The following SYN3 variants were observed in gnomAD, a reference collection of about 807,000 sequenced individuals.
The protein encoded by SYN3 is synapsin III.
In SYN3, 35 loss-of-function variants were observed where a neutral mutation model predicts 65.8. The ratio of observed to expected loss-of-function variants is 0.53; its 90% CI spans 0.41 to 0.70. The LOEUF (loss-of-function observed/expected upper bound fraction) is 0.70. SYN3 is among the 30% of genes least tolerant of loss of function. The pLI, the probability that SYN3 is intolerant of heterozygous loss-of-function variation, is 0.00. For missense variants in SYN3, 680 were observed against 749.0 expected (o/e 0.91, Z 1.08); for synonymous variants, 270 against 292.9 (o/e 0.92, Z 0.80).
At chr22:32,559,604 G>A (rs559767595) in intron 7 of SYN3, among the ~76,000 whole-genome samples, 6 of 152,242 alleles carry the variant, frequency 3.9e-5, no homozygotes, top group Admixed American at 6.5e-5. Context: ...CGAGATGGGC[G>A]GATCACGAGG....
rs925382056 is a variant in SYN3 at position 32,516,976 on chromosome 22, G to C, written c.1610+1067C>G. Among the ~76,000 whole-genome samples the C allele has an allele frequency of 9.8e-5, 15 of 152,340 alleles. No homozygotes were observed. The South Asian group carries it at 1.9e-3, about 19-fold the overall frequency. The stretch of plus-strand genomic sequence containing the variant: ...GATCAACATTTGGCCTTGAAAGAAG[G>C]TAGAGCTTTCCAAAGATCAGTTACT... On this transcript the variant is annotated intron_variant, in intron 13 of 13. Coordinates refer to ENST00000358763, the MANE Select transcript of SYN3 (RefSeq NM_003490.4).
At chr22:32,962,780 A>G (rs897540706) in intron 3 of SYN3, among the ~76,000 whole-genome samples, 1 of 152,038 alleles carries the variant, frequency 6.6e-6, no homozygotes, top group Non-Finnish European at 1.5e-5. Context: ...TATAGATAGT[A>G]AAGTCTTGGC....
chr22:32,779,631 A>T (rs544347768), intron 6 of SYN3, among the ~76,000 whole-genome samples: 1 of 152,180 alleles, frequency 6.6e-6, no homozygotes, highest in Admixed American at 6.5e-5. Flanking sequence ...CTTGGCTCTG[A>T]GCAGTGTAAT....
intron 2 of SYN3, among the ~76,000 whole-genome samples, chr22:32,984,596 G>T (rs564260541): frequency 1.5e-3 from 232 of 152,222 alleles, no homozygotes; most frequent in Non-Finnish European, 1.1e-3. Context: ...CCCAGGGCAT[G>T]GCCTAAGAGT....
At chr22:32,675,719 T>C (rs1312482313) in intron 6 of SYN3, among the ~76,000 whole-genome samples, 1 of 151,474 alleles carries the variant, frequency 6.6e-6, no homozygotes, top group African/African-American at 2.4e-5. Context: ...CTAAGCTGCA[T>C]GAAGGCTGAC....
At chr22:33,046,750 G>A (rs1233069464) in intron 1 of SYN3, among the ~76,000 whole-genome samples, 1 of 150,694 alleles carries the variant, frequency 6.6e-6, no homozygotes, top group Non-Finnish European at 1.5e-5. Context: ...AGCTGAGGCA[G>A]GAGACTAGCT....
intron 4 of SYN3, among the ~76,000 whole-genome samples, chr22:32,918,224 C>T (rs2050238424): frequency 6.6e-6 from 1 of 152,286 alleles, no homozygotes; most frequent in East Asian, 1.9e-4. Flanking sequence ...GGCCACAATT[C>T]GGAAAAACAG....
chr22:32,602,410 T>G (rs2059297425), intron 6 of SYN3, among the ~76,000 whole-genome samples: 1 of 152,150 alleles, frequency 6.6e-6, no homozygotes, highest in Non-Finnish European at 1.5e-5. Flanking sequence ...TCCTCCCATG[T>G]CAATAAAGAT....
intron 7 of SYN3, among the ~76,000 whole-genome samples, chr22:32,581,368 C>T (rs1221166315): frequency 1.3e-5 from 2 of 152,222 alleles, no homozygotes; most frequent in African/African-American, 2.4e-5. Context: ...CTTGGCATCC[C>T]AAAGTGCTGG....
At chr22:32,633,287 T>A (rs551378176) in intron 6 of SYN3, among the ~76,000 whole-genome samples, 1 of 152,332 alleles carries the variant, frequency 6.6e-6, no homozygotes, top group Non-Finnish European at 1.5e-5. Flanking sequence ...TTATCCTGAT[T>A]TTTGAGCGGA....
chr22:33,017,085 A>G (rs796653348), intron 1 of SYN3, among the ~76,000 whole-genome samples: 14 of 152,126 alleles, frequency 9.2e-5, no homozygotes, highest in African/African-American at 3.4e-4. Context: ...GTTTTTTTGT[A>G]TGATGTGAGA....
At chr22:32,787,135 T>A (rs1728012091) in intron 6 of SYN3, among the ~76,000 whole-genome samples, 1 of 149,920 alleles carries the variant, frequency 6.7e-6, no homozygotes, top group South Asian at 2.1e-4. Flanking sequence ...GCAGCCTCCA[T>A]CTCCTGGGCT....
At chr22:33,050,158 T>C (rs2054139027) in intron 1 of SYN3, among the ~76,000 whole-genome samples, 1 of 152,134 alleles carries the variant, frequency 6.6e-6, no homozygotes, top group African/African-American at 2.4e-5. Context: ...ATCCCCTAAC[T>C]TCTGTGGACC....
At chr22:32,851,997 G>T (rs1463247576) in intron 6 of SYN3, among the ~76,000 whole-genome samples, 3 of 152,118 alleles carry the variant, frequency 2.0e-5, no homozygotes, top group Non-Finnish European at 4.4e-5. Context: ...ATGAACTGGG[G>T]ATACAAAGAT....
chr22:32,755,913 C>G (rs1381787788), intron 6 of SYN3, among the ~76,000 whole-genome samples: 1 of 152,106 alleles, frequency 6.6e-6, no homozygotes, highest in Non-Finnish European at 1.5e-5. Context: ...GAGTCCACGT[C>G]CTTTACAGGG....
At chr22:32,796,541 G>C (rs1207806737) in intron 6 of SYN3, among the ~76,000 whole-genome samples, 2 of 152,206 alleles carry the variant, frequency 1.3e-5, no homozygotes, top group Non-Finnish European at 2.9e-5. Flanking sequence ...CAGACACAGA[G>C]AGATCCTGCA....
intron 3 of SYN3, among the ~76,000 whole-genome samples, chr22:32,947,844 G>C (rs2051160584): frequency 1.3e-5 from 2 of 152,214 alleles, no homozygotes; most frequent in South Asian, 4.1e-4. Context: ...AGGTTAGCTT[G>C]GTTGGTTTCT....
At chr22:32,628,621 G>T (rs1403535754) in intron 6 of SYN3, among the ~76,000 whole-genome samples, 1 of 152,128 alleles carries the variant, frequency 6.6e-6, no homozygotes, top group Non-Finnish European at 1.5e-5. Context: ...GGTGGCTCAT[G>T]CCTATAATCC....
At chr22:32,683,244 G>C (rs1389058957) in intron 6 of SYN3, among the ~76,000 whole-genome samples, 1 of 152,176 alleles carries the variant, frequency 6.6e-6, no homozygotes, top group African/African-American at 2.4e-5. Context: ...GGAGCGGGGT[G>C]GGGGGCAGTG....
Sources: allele counts gnomAD v4.1 joint callset (sites outside exome capture counted in the v4.1 genomes callset), GRCh38; gene constraint gnomAD v4.1.1; transcripts MANE v1.5; gene names NCBI Gene and HGNC (gene_info 2026-07-23, HGNC 2026-07-21).